MAN1A1: variants seen among roughly 807,000 people sequenced by gnomAD.
MAN1A1 encodes mannosidase alpha class 1A member 1.
A neutral mutation model predicts 70.8 loss-of-function variants in MAN1A1; 29 were observed. The observed-to-expected ratio is 0.41, with a 90% confidence interval of 0.31 to 0.56. The LOEUF (loss-of-function observed/expected upper bound fraction) is 0.56. MAN1A1 is among the 20% of genes least tolerant of loss of function. The pLI is 0.29. For synonymous variants in MAN1A1, 349 were observed against 330.1 expected (o/e 1.06, Z -0.62); for missense variants, 747 against 841.3 (o/e 0.89, Z 1.39).
intron 6 of MAN1A1, among the ~76,000 whole-genome samples, chr6:119,211,973 C>T (rs9689590): frequency 6.6e-6 from 1 of 151,756 alleles, no homozygotes; most frequent in Non-Finnish European, 1.5e-5. Flanking sequence ...TCCTGAGTAG[C>T]TGGGATACAG....
intron 6 of MAN1A1, among the ~76,000 whole-genome samples, chr6:119,213,983 T>G (rs969337614): frequency 6.6e-6 from 1 of 152,140 alleles, no homozygotes; most frequent in Non-Finnish European, 1.5e-5. Context: ...TTTTTTTTTT[T>G]AGATGGATTC....
chr6:119,293,447 G>A (rs1772104576), intron 4 of MAN1A1, among the ~76,000 whole-genome samples: 1 of 152,116 alleles, frequency 6.6e-6, no homozygotes, highest in African/African-American at 2.4e-5. Context: ...GCCTGTTTAA[G>A]AAGCAAATCT....
intron 2 of MAN1A1, among the ~76,000 whole-genome samples, chr6:119,343,673 A>G (rs1490210802): frequency 2.0e-5 from 3 of 152,122 alleles, no homozygotes; most frequent in African/African-American, 7.2e-5. Flanking sequence ...TCCCTAAACT[A>G]CCAAACAGGT....
chr6:119,342,623 T>C (rs971396945), intron 2 of MAN1A1, among the ~76,000 whole-genome samples: 5 of 152,214 alleles, frequency 3.3e-5, no homozygotes, highest in Non-Finnish European at 7.3e-5. Flanking sequence ...TTCTAACCAC[T>C]ACATTGCTTC....
At chr6:119,309,417 G>A (rs1288388719) in intron 2 of MAN1A1, among the ~76,000 whole-genome samples, 14 of 152,270 alleles carry the variant, frequency 9.2e-5, no homozygotes, top group Admixed American at 6.5e-4. Context: ...GCTGAGTGGC[G>A]ATGAGGATAA....
intron 2 of MAN1A1, among the ~76,000 whole-genome samples, chr6:119,336,453 T>C (rs902367511): frequency 7.9e-5 from 12 of 152,208 alleles, no homozygotes; most frequent in African/African-American, 2.9e-4. Context: ...TGGAGGACCA[T>C]TAAAACCTGA....
At chr6:119,180,495 T>C in intron 11 of MAN1A1, 68 bp from the exon 12 acceptor site, 1 of 855,266 alleles carries the variant, frequency 1.2e-6, no homozygotes, top group South Asian at 1.5e-5. Context: ...TTTTTATTAT[T>C]AGATTGTCAA....
At chr6:119,180,779 G>T (rs1410598352) in intron 11 of MAN1A1, among the ~76,000 whole-genome samples, 2 of 152,022 alleles carry the variant, frequency 1.3e-5, no homozygotes, top group African/African-American at 4.8e-5. Flanking sequence ...CTCCCAAAGA[G>T]TTGGGATTAC....
intron 5 of MAN1A1, among the ~76,000 whole-genome samples, chr6:119,260,435 C>T (rs1775575716): frequency 6.6e-6 from 1 of 152,182 alleles, no homozygotes; most frequent in Non-Finnish European, 1.5e-5. Flanking sequence ...GAATGAACAT[C>T]CCTGTACATA....
At chr6:119,319,167 A>C (rs1772934024) in intron 2 of MAN1A1, among the ~76,000 whole-genome samples, 1 of 152,068 alleles carries the variant, frequency 6.6e-6, no homozygotes, top group Admixed American at 6.5e-5. Context: ...ACCATCTTTA[A>C]GGCAAGCACT....
intron 11 of MAN1A1, among the ~76,000 whole-genome samples, chr6:119,186,226 T>G (rs996481115): frequency 3.3e-5 from 5 of 152,090 alleles, no homozygotes; most frequent in African/African-American, 1.2e-4. Context: ...AGTCCTTGGG[T>G]TGATGAGGAA....
chr6:119,294,523 T>A (rs1301503576), intron 4 of MAN1A1, among the ~76,000 whole-genome samples: 2 of 152,118 alleles, frequency 1.3e-5, no homozygotes, highest in Non-Finnish European at 2.9e-5. Context: ...ATCTTTAGGA[T>A]TGCATTCCAG....
At chr6:119,346,848 A>G (rs1048999470) in intron 2 of MAN1A1, among the ~76,000 whole-genome samples, 9 of 152,264 alleles carry the variant, frequency 5.9e-5, no homozygotes, top group Admixed American at 4.6e-4. Context: ...CAAATTTAAC[A>G]GAAACACAGG....
intron 6 of MAN1A1, among the ~76,000 whole-genome samples, chr6:119,206,009 C>G (rs1773850000): frequency 6.6e-6 from 1 of 152,204 alleles, no homozygotes; most frequent in Non-Finnish European, 1.5e-5. Flanking sequence ...CTGGGACACA[C>G]AATCCAGCGT....
chr6:119,225,637 C>T (rs2114267125), intron 6 of MAN1A1, among the ~76,000 whole-genome samples: 1 of 152,118 alleles, frequency 6.6e-6, no homozygotes, highest in Admixed American at 6.5e-5. Context: ...CTTGAAAGTA[C>T]CCAGAAAATA....
chr6:119,244,391 T>C (rs1157857987), intron 6 of MAN1A1, among the ~76,000 whole-genome samples: 2 of 152,104 alleles, frequency 1.3e-5, no homozygotes. Context: ...TATGATCATA[T>C]TGGTGAAGGA....
intron 2 of MAN1A1, among the ~76,000 whole-genome samples, chr6:119,308,256 TG>T (rs1325427543): frequency 6.6e-6 from 1 of 152,172 alleles, no homozygotes; most frequent in African/African-American, 2.4e-5. Flanking sequence ...CCAAAGCCCA[TG>T]GCATTAACCA....
At position 119,349,044 on chromosome 6, in the gene MAN1A1, G is replaced by C. The variant is rs762815088; in HGVS notation, c.22C>G (p.Pro8Ala). Reference sequence around the variant, plus strand: ...CCGCCCGCGGGGCTGCTGAAGAGCGGCAACAGGCCCCCCACGGGCATCGCT... The same window carrying C: ...CCGCCCGCGGGGCTGCTGAAGAGCGCCAACAGGCCCCCCACGGGCATCGCT... MPVGGLLPLFSSPAGGVL... is the reference protein window; with the variant it reads MPVGGLLALFSSPAGGVL... Residue 8 changes from proline to alanine, a missense_variant, in exon 2 of 13, where the codon CCG (proline) becomes GCG (alanine). Transcript: ENST00000368468. 1 of 1,328,882 alleles carries C rather than the reference G, an allele frequency of 7.5e-7. No homozygotes were observed. Among genetic ancestry groups the C allele is most frequent in the Non-Finnish European group, 9.6e-7 (1 of 1,036,824 alleles). 82.3% of individuals were successfully genotyped at this position (1,328,882 alleles called of 1,614,324 possible).
At chr6:119,210,423 C>T (rs1178042450) in intron 6 of MAN1A1, among the ~76,000 whole-genome samples, 2 of 151,880 alleles carry the variant, frequency 1.3e-5, no homozygotes, top group African/African-American at 4.8e-5. Flanking sequence ...GCATATACAC[C>T]ACTTAAAAAA....
Sources: gnomAD v4.1 joint callset for allele counts (sites outside exome capture counted in the v4.1 genomes callset) on GRCh38, gnomAD v4.1.1 for gene constraint, MANE v1.5 for transcripts, NCBI Gene and HGNC (gene_info 2026-07-23, HGNC 2026-07-21) for gene names.